The following DLC1 variants were observed in gnomAD, a reference collection of about 807,000 sequenced individuals.
The protein encoded by DLC1 is rho GTPase-activating protein 7.
A neutral mutation model predicts 140.3 loss-of-function variants in DLC1; 54 were observed. The observed-to-expected ratio is 0.38, with a 90% CI of 0.31 to 0.48. The LOEUF is 0.48. DLC1 is among the 20% of genes least tolerant of loss of function. DLC1 has a pLI of 0.96. For missense variants in DLC1, 2,536 were observed against 1,907.0 expected (o/e 1.33, Z -6.14); for synonymous variants, 986 against 728.1 (o/e 1.35, Z -5.70).
At chr8:13,462,811 C>G (rs1282686470) in intron 2 of DLC1, among the ~76,000 whole-genome samples, 1 of 152,158 alleles carries the variant, frequency 6.6e-6, no homozygotes, top group Non-Finnish European at 1.5e-5. Context: ...AGATTGGAAT[C>G]AAGGTAACTA....
At chr8:13,382,428 A>T (rs1460090431) in intron 4 of DLC1, among the ~76,000 whole-genome samples, 1 of 133,900 alleles carries the variant, frequency 7.5e-6, no homozygotes, top group African/African-American at 2.8e-5. Flanking sequence ...AATGGCGTGA[A>T]CCCCAGGGGG....
rs58038503 is a variant in DLC1 at position 13,413,256 on chromosome 8, A to ATTTTTTTTTTTTTTTTTTTTTTTTTTTT, written c.1024-11638_1024-11637insAAAAAAAAAAAAAAAAAAAAAAAAAAAA. On this transcript the variant is annotated intron_variant, in intron 2 of 17. Transcript: ENST00000276297. ...TAAAACATTATGAGATTTTTTTGCG[A>ATTTTTTTTTTTTTTTTTTTTTTTTTTTT]TTTTTTTTTTTTTTTTTTTTTAGCT... 4.9e-5 allele frequency among the ~76,000 whole-genome samples: 4 copies of ATTTTTTTTTTTTTTTTTTTTTTTTTTTT among 82,016 alleles called. 2 individuals carry two copies. The highest frequency in any genetic ancestry group is 1.0e-4 in the African/African-American group (2 of 19,874). 53.8% of individuals were successfully genotyped at this position (82,016 alleles called of 152,430 possible).
intron 5 of DLC1, among the ~76,000 whole-genome samples, chr8:13,268,681 C>G (rs955460766): frequency 6.6e-6 from 1 of 152,040 alleles, no homozygotes; most frequent in Non-Finnish European, 1.5e-5. Flanking sequence ...CCTGGCCCAG[C>G]CTTGTTTGCA....
At chr8:13,398,671 C>T (rs1837160866) in intron 3 of DLC1, among the ~76,000 whole-genome samples, 1 of 150,156 alleles carries the variant, frequency 6.7e-6, no homozygotes, top group South Asian at 2.1e-4. Flanking sequence ...ACTATACTTG[C>T]TAAAGAGAAA....
At chr8:13,215,645 C>T (rs1828161441) in intron 5 of DLC1, among the ~76,000 whole-genome samples, 1 of 151,942 alleles carries the variant, frequency 6.6e-6, no homozygotes, top group Non-Finnish European at 1.5e-5. Flanking sequence ...GAAAGTACAT[C>T]CTACTAGGGA....
Position 13,263,683 on chromosome 8 carries a change from A to G in DLC1, c.1348+41586T>C, listed in dbSNP as rs185355460. On this transcript the variant is annotated intron_variant, in intron 5 of 17. Coordinates refer to ENST00000276297, the MANE Select transcript of DLC1 (RefSeq NM_182643.3). Reference sequence around the variant, plus strand: ...AATATGTAAACTTGACTTTGTTAATATCTTATTCATACCATTTTTATTTTT... The same window carrying G: ...AATATGTAAACTTGACTTTGTTAATGTCTTATTCATACCATTTTTATTTTT... Among the ~76,000 whole-genome samples the G allele has an allele frequency of 4.6e-4, 70 of 151,554 alleles. No homozygotes were observed. The East Asian group carries it at 7.5e-3, about 16-fold the overall frequency.
At chr8:13,197,480 C>G (rs1305956474) in intron 5 of DLC1, among the ~76,000 whole-genome samples, 1 of 151,912 alleles carries the variant, frequency 6.6e-6, no homozygotes, top group Non-Finnish European at 1.5e-5. Flanking sequence ...TCCTGAGTAG[C>G]TGGGACTACA....
At chr8:13,578,487 A>G (rs1421825475) in intron 1 of DLC1, among the ~76,000 whole-genome samples, 1 of 152,158 alleles carries the variant, frequency 6.6e-6, no homozygotes, top group African/African-American at 2.4e-5. Flanking sequence ...AGTTTAAGTC[A>G]GATCCCACAG....
At chr8:13,144,785 T>C (rs1223735287) in intron 5 of DLC1, among the ~76,000 whole-genome samples, 2 of 152,054 alleles carry the variant, frequency 1.3e-5, no homozygotes, top group Non-Finnish European at 2.9e-5. Flanking sequence ...TAAATAAAAA[T>C]AAATTCTCTC....
At chr8:13,568,769 C>T (rs1804544136) in intron 1 of DLC1, among the ~76,000 whole-genome samples, 1 of 152,144 alleles carries the variant, frequency 6.6e-6, no homozygotes. Flanking sequence ...AGTTGTCTAA[C>T]CACATCAATC....
chr8:13,450,170 G>C (rs1172610729), intron 2 of DLC1, among the ~76,000 whole-genome samples: 7 of 151,818 alleles, frequency 4.6e-5, no homozygotes, highest in South Asian at 2.1e-4. Flanking sequence ...AAGAACCAAG[G>C]AGAGGCCAGG....
intron 2 of DLC1, among the ~76,000 whole-genome samples, chr8:13,464,235 G>A: frequency 6.6e-6 from 1 of 152,100 alleles, no homozygotes; most frequent in African/African-American, 2.4e-5. Context: ...AAGTGCCCAG[G>A]GTCAGAGGTA....
At chr8:13,156,926 A>AT (rs1003614825) in intron 5 of DLC1, among the ~76,000 whole-genome samples, 16 of 151,706 alleles carry the variant, frequency 1.1e-4, no homozygotes, top group Non-Finnish European at 1.3e-4. Flanking sequence ...TGCCTTTGTG[A>AT]TTTTTTTTTC....
intron 5 of DLC1, among the ~76,000 whole-genome samples, chr8:13,291,110 T>C (rs1003245140): frequency 1.6e-4 from 24 of 152,196 alleles, no homozygotes; most frequent in African/African-American, 5.5e-4. Flanking sequence ...GGTTTCACCA[T>C]GTGGGCCAGG....
At chr8:13,296,096 T>C (rs1220019590) in intron 5 of DLC1, among the ~76,000 whole-genome samples, 4 of 151,498 alleles carry the variant, frequency 2.6e-5, no homozygotes, top group Non-Finnish European at 4.4e-5. Flanking sequence ...GCTGGGATCA[T>C]AGGCATGCAC....
At chr8:13,513,779 A>G (rs1479105253) in intron 1 of DLC1, among the ~76,000 whole-genome samples, 2 of 152,316 alleles carry the variant, frequency 1.3e-5, no homozygotes, top group East Asian at 3.9e-4. Flanking sequence ...ATGTAATTTT[A>G]CGATTACATA....
chr8:13,282,062 G>T (rs567742812), intron 5 of DLC1, among the ~76,000 whole-genome samples: 2 of 152,146 alleles, frequency 1.3e-5, no homozygotes, highest in African/African-American at 4.8e-5. Context: ...TACATAGGGT[G>T]GGGACTCGTC....
Position 13,393,646 on chromosome 8 carries a change from A to G in DLC1, c.1221T>C (p.Asn407=), listed in dbSNP as rs1836873774. 6.2e-7 allele frequency: 1 copy of G among 1,614,088 alleles called. No homozygotes were observed. The highest frequency in any genetic ancestry group is 1.7e-5 in the Admixed American group (1 of 60,004). Residue 407 remains asparagine (N), a synonymous_variant, in exon 4 of 18, where the codon AAT becomes AAC. Coordinates refer to ENST00000276297, the MANE Select transcript of DLC1 (RefSeq NM_182643.3). ...CAGAAGACAAATTTACTCGTGTCTG[A>G]TTTACTGAAATGGTATCTGCTCCAC... The part of the protein sequence containing the change: ...SESGADTISV[N]QTRVNLSSDT...
intron 2 of DLC1, among the ~76,000 whole-genome samples, chr8:13,485,436 C>T (rs1047070272): frequency 6.6e-6 from 1 of 152,162 alleles, no homozygotes; most frequent in Admixed American, 6.5e-5. Context: ...CTCAAGTGAC[C>T]TTATGTATAC....
Sources: gnomAD v4.1 joint callset for allele counts (sites outside exome capture counted in the v4.1 genomes callset) on GRCh38, gnomAD v4.1.1 for gene constraint, MANE v1.5 for transcripts, NCBI Gene and HGNC (gene_info 2026-07-23, HGNC 2026-07-21) for gene names.